Variants in MAST1 observed in about 807,000 individuals in gnomAD.
The protein encoded by MAST1 is microtubule-associated serine/threonine-protein kinase 1.
A neutral mutation model predicts 124.6 loss-of-function variants in MAST1; 40 were observed. The ratio of observed to expected loss-of-function variants is 0.32; its 90% CI spans 0.25 to 0.42. The LOEUF (loss-of-function observed/expected upper bound fraction) is 0.42. Among genes scored for constraint, MAST1 ranks in the 10% least tolerant of loss-of-function variants. MAST1 has a pLI of 1.00. For missense variants in MAST1, 1,558 were observed against 2,181.9 expected, an observed-to-expected ratio of 0.71 and a Z score of 5.70; for synonymous variants, 938 against 939.4, an observed-to-expected ratio of 1.00 and a Z score of 0.03.
chr19:12,868,694 C>T lies in MAST1; in HGVS notation c.2618C>T (p.Ala873Val), dbSNP rs748318942. The part of the protein sequence containing the change: ...DLCPPSKDGD[A>V]SGPRATNDLV... Reference sequence around the variant, plus strand: ...TGCCCACCCTCGAAGGATGGGGATGCATCAGGCCCAAGGGCTACCAATGAC... The same window carrying T: ...TGCCCACCCTCGAAGGATGGGGATGTATCAGGCCCAAGGGCTACCAATGAC... The change falls in exon 21 of 26, where the codon GCA becomes GTA. Residue 873 changes from alanine (A) to valine (V), a missense_variant. Physicochemically the swap from Ala to Val is moderately conservative, Grantham distance 64 (BLOSUM62 0). This residue lies in a region of MAST1 where 287 missense variants were observed against 308.0 expected (regional missense o/e 0.93). Transcript: ENST00000251472. The T allele has an allele frequency of 1.2e-6, 2 of 1,612,302 alleles. No individual in the cohort carries two copies. Among genetic ancestry groups the T allele is most frequent in the Non-Finnish European group, 1.7e-6 (2 of 1,178,764 alleles).
chr19:12,856,453 C>T (rs1257517526), intron 10 of MAST1, among the ~76,000 whole-genome samples: 1 of 152,048 alleles, frequency 6.6e-6, no homozygotes, highest in African/African-American at 2.4e-5. Context: ...TAGGCAACCA[C>T]CACCACGCCT....
intron 12 of MAST1, among the ~76,000 whole-genome samples, chr19:12,861,256 G>T (rs571779533): frequency 3.3e-5 from 5 of 151,302 alleles, no homozygotes; most frequent in African/African-American, 1.2e-4. Context: ...AGAGACAGGG[G>T]TTTCACCAGG....
intron 12 of MAST1, among the ~76,000 whole-genome samples, chr19:12,862,485 T>C (rs1478440421): frequency 6.6e-6 from 1 of 152,070 alleles, no homozygotes; most frequent in Non-Finnish European, 1.5e-5. Context: ...AGATTTGATA[T>C]GATCAGATTT....
Position 12,873,759 on chromosome 19 carries a change from A to G in MAST1, c.3602A>G (p.Asn1201Ser). The change falls in exon 26 of 26, where the codon AAC (asparagine) becomes AGC (serine). Residue 1201 changes from asparagine to serine, a missense_variant. Coordinates refer to ENST00000251472, the MANE Select transcript of MAST1 (RefSeq NM_014975.3). ...YRSARCKSAG[N>S]IPLSPLAHTP... is the part of the protein sequence containing the mutation. ...TCTGCGCGATGCAAGTCGGCCGGCA[A>G]CATCCCTCTATCGCCGCTGGCACAC... 3 of 1,601,312 alleles carry G rather than the reference A, an allele frequency of 1.9e-6. No homozygotes were observed. The highest frequency in any genetic ancestry group is 2.5e-6 in the Non-Finnish European group (3 of 1,179,254).
At chr19:12,849,673 A>T (rs1969938189) in intron 7 of MAST1, among the ~76,000 whole-genome samples, 1 of 151,948 alleles carries the variant, frequency 6.6e-6, no homozygotes, top group South Asian at 2.1e-4. Context: ...CAAAAAAAAT[A>T]AAAATAAAAA....
rs1969904231 is a variant in MAST1, at chr19:12,847,229, G to C, written c.328-61G>C. On this transcript the variant is annotated intron_variant, in intron 4 of 25. Coordinates refer to ENST00000251472, the MANE Select transcript of MAST1 (RefSeq NM_014975.3). The surrounding 1 kb of genome is among the most constrained non-coding windows in gnomAD (Gnocchi z 5.5). The stretch of plus-strand genomic sequence containing the variant: ...CATCGGCTTTGGGAGTCCCAGCTCA[G>C]GGTCCTGAGCTGTTGGGGGGCCCAT... 1 of 1,161,350 alleles carries C rather than the reference G, an allele frequency of 8.6e-7. No homozygotes were observed. Among genetic ancestry groups the C allele is most frequent in the African/African-American group, 1.5e-5 (1 of 64,826 alleles). The allele number at this position is 1,161,350 out of a possible 1,614,324, so 71.9% of individuals were successfully genotyped here.
Position 12,852,177 on chromosome 19 carries a change from C to A in MAST1, c.939C>A (p.Gly313=), listed in dbSNP as rs371665865. The A allele has an allele frequency of 6.2e-7, 1 of 1,614,034 alleles. No individual in the cohort carries two copies. Among genetic ancestry groups the A allele is most frequent in the Non-Finnish European group, 8.5e-7 (1 of 1,180,012 alleles). The change falls in exon 9 of 26, where the codon GGC becomes GGA. Residue 313 remains glycine (G), a synonymous_variant. Transcript: ENST00000251472. The part of the protein sequence containing the change: ...LEAAEGHAKE[G]HLVKTDIPRY... ...CGGCCGAAGGACACGCCAAGGAGGG[C>A]CACCTTGTGAAGACGGACATCCCCC...
In MAST1 at chr19:12,841,088, C is replaced by A. The variant is rs1599575041; in HGVS notation, c.248+22C>A. ...GAAGGTGAGTCCCTCCCCTCCAGGGCCCCAGAACCCTGGGCAGACCCTCCC... is the reference window on the plus strand; with the variant it reads ...GAAGGTGAGTCCCTCCCCTCCAGGGACCCAGAACCCTGGGCAGACCCTCCC... On this transcript the variant is annotated intron_variant, in intron 3 of 25. Transcript: ENST00000251472. The surrounding 1 kb of genome is among the most constrained non-coding windows in gnomAD (Gnocchi z 4.3). The A allele has an allele frequency of 1.6e-6, 2 of 1,270,218 alleles. No individual in the cohort carries two copies. The highest frequency in any genetic ancestry group is 1.5e-5 in the African/African-American group (1 of 68,532). 78.7% of individuals were successfully genotyped at this position (1,270,218 alleles called of 1,614,324 possible). A position where few individuals can be genotyped will look rare whatever the true frequency, so the allele number is the denominator to read the frequency against.
chr19:12,846,253 A>G (rs1969893468), intron 4 of MAST1, among the ~76,000 whole-genome samples: 1 of 148,526 alleles, frequency 6.7e-6, no homozygotes, highest in South Asian at 2.1e-4. Context: ...CAGTTTCACT[A>G]TGTTGCCCAG....
rs570129393 is a variant in MAST1, at chr19:12,840,601, A to G, written c.172+67A>G. On this transcript the variant is annotated intron_variant, in intron 2 of 25. Coordinates refer to ENST00000251472, the MANE Select transcript of MAST1 (RefSeq NM_014975.3). ...ACAGTAGGCGGGGCCTCAGGCGAGGAAGCGTGGTCATGCTACAGAAGGGGC... is the reference window on the plus strand; with the variant it reads ...ACAGTAGGCGGGGCCTCAGGCGAGGGAGCGTGGTCATGCTACAGAAGGGGC... The G allele has an allele frequency of 6.8e-6, 8 of 1,178,424 alleles. No individual in the cohort carries two copies. The East Asian group carries it at 1.7e-4, about 25-fold the overall frequency. 73.0% of individuals were successfully genotyped at this position (1,178,424 alleles called of 1,614,324 possible). A position where few individuals can be genotyped will look rare whatever the true frequency, so the allele number is the denominator to read the frequency against.
chr19:12,839,515 A>G (rs1289904916), intron 1 of MAST1, among the ~76,000 whole-genome samples: 1 of 152,264 alleles, frequency 6.6e-6, no homozygotes, highest in East Asian at 1.9e-4. Context: ...AAACAGATGT[A>G]GGGATCTTGC....
Position 12,843,392 on chromosome 19 carries a change from G to T in MAST1, c.249-137G>T, listed in dbSNP as rs1169503061. ...CCCTCTTTATCCCCTTGATTCTGAG[G>T]GCCTTGAGGAATCTTAGAGTGCAGA... On this transcript the variant is annotated intron_variant, in intron 3 of 25. Transcript: ENST00000251472. The surrounding 1 kb of genome is among the most constrained non-coding windows in gnomAD (Gnocchi z 4.9). 1.7e-6 allele frequency: 1 copy of T among 577,720 alleles called. No homozygotes were observed. The highest frequency in any genetic ancestry group is 3.0e-6 in the Non-Finnish European group (1 of 328,454). 35.8% of individuals were successfully genotyped at this position (577,720 alleles called of 1,614,324 possible).
rs1331852847 is a variant in MAST1, at chr19:12,871,030, C to T, written c.3127-6C>T. 4 of 1,614,040 alleles carry T rather than the reference C, an allele frequency of 2.5e-6. No individual in the cohort carries two copies. In the African/African-American group the frequency reaches 5.3e-5, roughly 22 times the overall value. Reference sequence around the variant, plus strand: ...AGCAGAGCATTTTCCCGCATTCTTCCCCCAGAGTGGCAACAAGGTAGCAGT... The same window carrying T: ...AGCAGAGCATTTTCCCGCATTCTTCTCCCAGAGTGGCAACAAGGTAGCAGT... On this transcript the variant is annotated splice_polypyrimidine_tract_variant and splice_region_variant and intron_variant, in intron 23 of 25. Transcript: ENST00000251472.
At position 12,865,339 on chromosome 19, in the gene MAST1, C is replaced by T. The variant is rs1970139320; in HGVS notation, c.1662C>T (p.Ile554=). Residue 554 remains isoleucine, a synonymous_variant, in exon 15 of 26, where the codon ATC becomes ATT. Transcript: ENST00000251472. This position sits in a 1 kb window ranked among gnomAD's most constrained non-coding sequence, Gnocchi z 7.1. ...AGGTGTGTGGGACCCCAGAGTACAT[C>T]GCGCCCGAGGTCATCCTGCGTCAAG... ...DKQVCGTPEY[I]APEVILRQGY... 1.2e-6 allele frequency: 2 copies of T among 1,601,010 alleles called. No individual in the cohort carries two copies. Among genetic ancestry groups the T allele is most frequent in the Non-Finnish European group, 1.7e-6 (2 of 1,173,502 alleles).
At position 12,838,679 on chromosome 19, in the gene MAST1, T is replaced by TC; in HGVS notation, c.83+24_83+25insC. ...AGGTAGACCCCCGATCCCCTAGACA[T>TC]TGTCCCGGCCCTCCCCGCAAAAGCC... On this transcript the variant is annotated intron_variant, in intron 1 of 25. Coordinates refer to ENST00000251472, the MANE Select transcript of MAST1 (RefSeq NM_014975.3). The surrounding 1 kb of genome is among the most constrained non-coding windows in gnomAD (Gnocchi z 4.3). 6.2e-7 allele frequency: 1 copy of TC among 1,601,598 alleles called. No homozygotes were observed. Among genetic ancestry groups the TC allele is most frequent in the South Asian group, 1.1e-5 (1 of 90,124 alleles).
chr19:12,840,557 G>C, intron 2 of MAST1, 23 bp downstream of exon 2: 1 of 1,567,598 alleles, frequency 6.4e-7, no homozygotes. Context: ...GTAGAGACTT[G>C]GTGGGTGCAG....
At chr19:12,848,287 C>A (rs764815146) in intron 7 of MAST1, 2 of 537,488 alleles carry the variant, frequency 3.7e-6, no homozygotes, top group Non-Finnish European at 6.6e-6. Context: ...CAAATGTCAC[C>A]TTTTCAGGTG....
At chr19:12,861,771 C>T (rs1485481655) in intron 12 of MAST1, among the ~76,000 whole-genome samples, 6 of 149,636 alleles carry the variant, frequency 4.0e-5, no homozygotes, top group African/African-American at 7.5e-5. Context: ...GGCGCATCCT[C>T]GGCTCACTGC....
chr19:12,858,801 G>A lies in MAST1; in HGVS notation c.1366+62G>A, dbSNP rs574690231. 7.7e-6 allele frequency: 12 copies of A among 1,561,506 alleles called. No individual in the cohort carries two copies. The South Asian group carries it at 1.0e-4, about 13-fold the overall frequency. On this transcript the variant is annotated intron_variant, in intron 12 of 25. Coordinates refer to ENST00000251472, the MANE Select transcript of MAST1 (RefSeq NM_014975.3). ...CGTGCTCACTGGTCAGGGCTGCGGGGTGGCCTGCCTGAGCCGCAGTCTCCA... is the reference window on the plus strand; with the variant it reads ...CGTGCTCACTGGTCAGGGCTGCGGGATGGCCTGCCTGAGCCGCAGTCTCCA...
Sources: gnomAD v4.1 joint callset for allele counts (sites outside exome capture counted in the v4.1 genomes callset) on GRCh38, gnomAD v4.1.1 for gene constraint, gnomAD v4.1.1 regional missense constraint, Gnocchi (gnomAD v3.1) non-coding constraint, MANE v1.5 for transcripts, NCBI Gene and HGNC (gene_info 2026-07-23, HGNC 2026-07-21) for gene names.